The following EPG5 variants were observed in gnomAD, a reference collection of about 807,000 sequenced individuals.
The protein encoded by EPG5 is ectopic P granules protein 5 homolog.
Under a neutral mutation model 302.7 loss-of-function variants are expected in EPG5, and 159 were observed. The observed-to-expected ratio is 0.53, with a 90% CI of 0.46 to 0.60. EPG5 has a LOEUF of 0.60. Ranked by LOEUF, EPG5 falls within the 20% of genes least tolerant of loss-of-function variation. The pLI is 0.00. For missense variants in EPG5, 2,896 were observed against 3,092.4 expected, an observed-to-expected ratio of 0.94 and a Z score of 1.51; for synonymous variants, 1,158 against 1,136.8, an observed-to-expected ratio of 1.02 and a Z score of -0.37.
In EPG5 at chr18:45,930,754, G is replaced by T. The variant is rs200676427; in HGVS notation, c.2334C>A (p.Thr778=). 3 of 1,611,696 alleles carry T rather than the reference G, an allele frequency of 1.9e-6. No individual in the cohort carries two copies. Among genetic ancestry groups the T allele is most frequent in the Non-Finnish European group, 2.5e-6 (3 of 1,179,210 alleles). ...TTCTGGCCTGAGCCATCTGAGCAAA[G>T]GTAGTCAGAAGGCAAATCTCTTCTG... ...NSSEEICLLT[T]FAQMAQARRT... Residue 778 remains threonine (T), a synonymous_variant, in exon 12 of 44, where the codon ACC becomes ACA. Transcript: ENST00000282041.
chr18:45,844,452 G>A (rs1465473204), downstream of EPG5, among the ~76,000 whole-genome samples: 3 of 152,102 alleles, frequency 2.0e-5, no homozygotes, highest in Non-Finnish European at 2.9e-5. Flanking sequence ...TGATGGATAC[G>A]CCAATCCCTG....
In EPG5 at chr18:45,901,141, G is replaced by C. The variant is rs370776793; in HGVS notation, c.4501C>G (p.Arg1501Gly). The C allele has an allele frequency of 3.7e-6, 6 of 1,613,964 alleles. No homozygotes were observed. Among genetic ancestry groups the C allele is most frequent in the Middle Eastern group, 1.6e-4 (1 of 6,084 alleles). The change falls in exon 26 of 44, where the codon CGG (arginine) becomes GGG (glycine). Residue 1501 changes from arginine to glycine, a missense_variant. Arg to Gly is a moderately radical substitution (Grantham distance 125). This residue lies in a region of EPG5 where 790 missense variants were observed against 798.0 expected (regional missense o/e 0.99). Transcript: ENST00000282041. ...GGAGGCTGGGGAGCCTCATGCTTCCGCAAGTTACTTAAAACCCTTTCTTTA... is the reference window on the plus strand; with the variant it reads ...GGAGGCTGGGGAGCCTCATGCTTCCCCAAGTTACTTAAAACCCTTTCTTTA... ...LAKERVLSNL[R>G]KHEAPQPPLA...
chr18:45,876,891 C>A (rs1300419079), intron 34 of EPG5, among the ~76,000 whole-genome samples: 1 of 152,204 alleles, frequency 6.6e-6, no homozygotes, highest in African/African-American at 2.4e-5. Flanking sequence ...TCAAGCAACT[C>A]TTCTGCATCA....
In EPG5 at chr18:45,848,377, TG is replaced by T. The variant is rs1228179613; in HGVS notation, c.*4089del. 3 of 152,212 alleles carry T rather than the reference TG, an allele frequency of 2.0e-5. No homozygotes were observed. In the East Asian group the frequency reaches 5.8e-4, roughly 29 times the overall value. 9.4% of individuals were successfully genotyped at this position (152,212 alleles called of 1,614,324 possible). A position where few individuals can be genotyped will look rare whatever the true frequency, so the allele number is the denominator to read the frequency against. ...TGTTGTTAGGCCTGTCATGAAGATG[TG>T]GGGTGAGATCTGTCTTGGGCAACAA... On this transcript the variant is annotated 3_prime_UTR_variant, in exon 44 of 44. Coordinates refer to ENST00000282041, the MANE Select transcript of EPG5 (RefSeq NM_020964.3).
Position 45,858,650 on chromosome 18 carries a change from T to C in EPG5, c.7142A>G (p.Gln2381Arg), listed in dbSNP as rs774657431. ...SYLTLYVYLL[Q>R]CLNSEQTLRN... ...TAAAGTCTGTTCGCTGTTTAAACAC[T>C]GAAGCAAGTAGACGTAAAGAGTCAA... Residue 2381 changes from glutamine to arginine, a missense_variant, in exon 41 of 44, where the codon CAG becomes CGG. This residue lies in a region of EPG5 where 620 missense variants were observed against 704.2 expected (regional missense o/e 0.88). Coordinates refer to ENST00000282041, the MANE Select transcript of EPG5 (RefSeq NM_020964.3). 6 of 1,614,042 alleles carry C rather than the reference T, an allele frequency of 3.7e-6. No individual in the cohort carries two copies. The Admixed American group carries it at 1.0e-4, about 27-fold the overall frequency.
intron 1 of EPG5, 48 bp from the exon 2 acceptor site, chr18:45,955,386 G>A: frequency 2.3e-6 from 3 of 1,289,314 alleles, no homozygotes; most frequent in Non-Finnish European, 3.2e-6. Flanking sequence ...AATAATTAAT[G>A]CTTTCAGCAG....
chr18:45,812,336 C>CTTTTCTGTGA, the EPG5 span, among the ~76,000 whole-genome samples: 1 of 152,160 alleles, frequency 6.6e-6, no homozygotes, highest in Non-Finnish European at 1.5e-5. Context: ...AAAATGGCCA[C>CTTTTCTGTGA]ACTGTCCAAG....
Position 45,967,216 on chromosome 18 carries a change from C to T in EPG5, c.24G>A (p.Gln8=). The change falls in exon 1 of 44, where the codon CAG becomes CAA. Residue 8 remains glutamine, a synonymous_variant. Transcript: ENST00000282041. ...GGCTGGCCTTGGCCTTGGCCCGGCG[C>T]TGGGGCTTCACCGCCTCGGCCATAG... MAEAVKP[Q]RRAKAKASRT... 1 of 1,605,798 alleles carries T rather than the reference C, an allele frequency of 6.2e-7. No individual in the cohort carries two copies. Among genetic ancestry groups the T allele is most frequent in the Non-Finnish European group, 8.5e-7 (1 of 1,176,418 alleles).
intron 2 of EPG5, 149 bp downstream of exon 2, chr18:45,954,245 C>G (rs2050973841): frequency 1.4e-6 from 1 of 726,114 alleles, no homozygotes; most frequent in Admixed American, 3.1e-5. Flanking sequence ...CACCTGGCTC[C>G]TGCAGGCATT....
At position 45,849,284 on chromosome 18, in the gene EPG5, G is replaced by C. The variant is rs1374455418; in HGVS notation, c.*3183C>G. On this transcript the variant is annotated 3_prime_UTR_variant, in exon 44 of 44. Coordinates refer to ENST00000282041, the MANE Select transcript of EPG5 (RefSeq NM_020964.3). ...CAATAGGCAACGTAGAAACATCTTGGTTCAATAGAAAGCAGAACTACAGAG... is the reference window on the plus strand; with the variant it reads ...CAATAGGCAACGTAGAAACATCTTGCTTCAATAGAAAGCAGAACTACAGAG... 6.6e-6 allele frequency: 1 copy of C among 152,266 alleles called. No individual in the cohort carries two copies. The highest frequency in any genetic ancestry group is 6.5e-5 in the Admixed American group (1 of 15,278). The allele number at this position is 152,266 out of a possible 1,614,324, so 9.4% of individuals were successfully genotyped here.
At position 45,944,067 on chromosome 18, in the gene EPG5, G is replaced by A. The variant is rs1390764507; in HGVS notation, c.1730C>T (p.Thr577Ile). 6.2e-7 allele frequency: 1 copy of A among 1,614,046 alleles called. No individual in the cohort carries two copies. Among genetic ancestry groups the A allele is most frequent in the Non-Finnish European group, 8.5e-7 (1 of 1,179,938 alleles). The change falls in exon 8 of 44, where the codon ACC (threonine) becomes ATC (isoleucine). Residue 577 changes from threonine to isoleucine, a missense_variant. This residue lies in a region of EPG5 where 1,390 missense variants were observed against 1,430.0 expected (regional missense o/e 0.97). Coordinates refer to ENST00000282041, the MANE Select transcript of EPG5 (RefSeq NM_020964.3). ...WILLNEDDLV[T>I]ILAQFPFHEL... ...ATGAAAGGGGAACTGTGCTAAAATG[G>A]TAACCAAATCATCTTCATTAAGGAG...
At chr18:45,805,794 A>G in the EPG5 span, among the ~76,000 whole-genome samples, 1 of 152,240 alleles carries the variant, frequency 6.6e-6, no homozygotes, top group South Asian at 2.1e-4. Flanking sequence ...TTGGGAAAAC[A>G]TAACAGTCTT....
At chr18:45,949,655 T>A in intron 4 of EPG5, 64 bp from the exon 5 acceptor site, 1 of 1,082,922 alleles carries the variant, frequency 9.2e-7, no homozygotes, top group Non-Finnish European at 1.4e-6. Context: ...TCTAGGGGTC[T>A]AGTAAAGTCA....
At chr18:45,811,056 T>C in the EPG5 span, among the ~76,000 whole-genome samples, 3 of 152,064 alleles carry the variant, frequency 2.0e-5, no homozygotes, top group Non-Finnish European at 2.9e-5. Flanking sequence ...ACAGCCAATA[T>C]AATACTGAAT....
intron 29 of EPG5, among the ~76,000 whole-genome samples, chr18:45,885,900 A>G (rs752872297): frequency 5.9e-5 from 9 of 152,238 alleles, no homozygotes; most frequent in Non-Finnish European, 1.0e-4. Context: ...ACCAATTCAC[A>G]AAAGTATATA....
chr18:45,859,205 T>C (rs1418551659), intron 40 of EPG5, among the ~76,000 whole-genome samples: 1 of 152,264 alleles, frequency 6.6e-6, no homozygotes, highest in African/African-American at 2.4e-5. Flanking sequence ...CTGTTATCAC[T>C]CAATCTGTGA....
At chr18:45,896,612 A>G (rs565802288) in intron 27 of EPG5, among the ~76,000 whole-genome samples, 17 of 152,042 alleles carry the variant, frequency 1.1e-4, no homozygotes, top group African/African-American at 3.9e-4. Context: ...TGGCACAGTC[A>G]CAGCTCACTG....
chr18:45,899,098 C>A (rs1366896465), intron 27 of EPG5, among the ~76,000 whole-genome samples: 3 of 152,062 alleles, frequency 2.0e-5, no homozygotes, highest in Admixed American at 2.0e-4. Flanking sequence ...GCACTCCAGC[C>A]TGGGGACTCC....
At chr18:45,923,131 G>T in intron 15 of EPG5, 137 bp downstream of exon 15, 1 of 903,640 alleles carries the variant, frequency 1.1e-6, no homozygotes, top group Non-Finnish European at 1.6e-6. Context: ...AACCATAGAA[G>T]TCAATTATAA....
Sources: allele counts gnomAD v4.1 joint callset (sites outside exome capture counted in the v4.1 genomes callset), GRCh38; gene constraint gnomAD v4.1.1; regional missense constraint gnomAD v4.1.1; transcripts MANE v1.5; gene names NCBI Gene and HGNC (gene_info 2026-07-23, HGNC 2026-07-21).